The following PVT1 variants were observed in gnomAD, a reference collection of about 807,000 sequenced individuals.
The protein encoded by PVT1 is Pvt1 oncogene.
intron 4 of PVT1, among the ~76,000 whole-genome samples, chr8:128,060,680 A>T (rs1446427786): frequency 6.6e-6 from 1 of 152,334 alleles, no homozygotes; most frequent in East Asian, 1.9e-4. Flanking sequence ...TTTTGCAGTT[A>T]AACTTCCGAT....
At chr8:127,895,204 C>T (rs763147165) in intron 3 of PVT1, among the ~76,000 whole-genome samples, 4 of 152,200 alleles carry the variant, frequency 2.6e-5, no homozygotes, top group African/African-American at 4.8e-5. Flanking sequence ...AGCACAGTGG[C>T]TCACACATGT....
chr8:127,805,508 C>T lies in PVT1; in HGVS notation n.372+9437C>T, dbSNP rs559832256. 2.6e-5 allele frequency among the ~76,000 whole-genome samples: 4 copies of T among 152,274 alleles called. No homozygotes were observed. In the East Asian group the frequency reaches 7.7e-4, roughly 29 times the overall value. ...CTGGTGAGGCACGTGATGTTTTTTG[C>T]TGTCCGTGATGCACTAACATGTCAT... On this transcript the variant is annotated intron_variant and non_coding_transcript_variant, in intron 2 of 10. Coordinates refer to ENST00000651587, the Ensembl canonical transcript of PVT1.
At chr8:128,098,916 G>A (rs1814462553) in intron 6 of PVT1, among the ~76,000 whole-genome samples, 1 of 152,164 alleles carries the variant, frequency 6.6e-6, no homozygotes, top group Admixed American at 6.5e-5. Flanking sequence ...GAATTTCCAT[G>A]GGATCATTGC....
intron 2 of PVT1, among the ~76,000 whole-genome samples, chr8:127,796,384 A>G (rs955451161): frequency 1.3e-5 from 2 of 151,982 alleles, no homozygotes; most frequent in Admixed American, 6.6e-5. Context: ...CTGTTCTGAC[A>G]TATCTGATCC....
chr8:127,908,329 T>C (rs1212278216), intron 3 of PVT1, among the ~76,000 whole-genome samples: 2 of 150,062 alleles, frequency 1.3e-5, no homozygotes, highest in African/African-American at 4.9e-5. Flanking sequence ...TTTTCTTTTT[T>C]TTTCTTTTTT....
At position 127,804,652 on chromosome 8, in the gene PVT1, T is replaced by C. The variant is rs150171852; in HGVS notation, n.372+8581T>C. Among the ~76,000 whole-genome samples the C allele has an allele frequency of 7.4e-3, 1,122 of 151,412 alleles. 12 individuals carry two copies. The highest frequency in any genetic ancestry group is 0.026 in the African/African-American group (1,089 of 41,270). The stretch of plus-strand genomic sequence containing the variant: ...ACCTCCCAGGTTCAAGCGATTCTTC[T>C]GCCTTGGCCTCCGAGTAGCTGGGAT... On this transcript the variant is annotated intron_variant and non_coding_transcript_variant, in intron 2 of 10. Transcript: ENST00000651587.
chr8:127,927,816 G>A (rs959041803), intron 3 of PVT1, among the ~76,000 whole-genome samples: 1 of 152,206 alleles, frequency 6.6e-6, no homozygotes, highest in Non-Finnish European at 1.5e-5. Context: ...TCACTACCTG[G>A]CATCCTCTGA....
At chr8:128,059,681 T>C (rs966026202) in intron 4 of PVT1, among the ~76,000 whole-genome samples, 3 of 152,222 alleles carry the variant, frequency 2.0e-5, no homozygotes, top group Admixed American at 6.5e-5. Context: ...TGGCACTTTA[T>C]AGGAAGAGTT....
intron 5 of PVT1, chr8:128,096,492 CT>C (rs11350865): frequency 0.59 from 88,013 of 149,762 alleles, 27,537 homozygotes; most frequent in Non-Finnish European, 0.71. Context: ...GTCAGCGGAT[CT>C]TTTTTTTTTT....
intron 4 of PVT1, among the ~76,000 whole-genome samples, chr8:128,060,427 G>A (rs1013624075): frequency 2.0e-5 from 3 of 152,142 alleles, no homozygotes; most frequent in African/African-American, 7.2e-5. Flanking sequence ...GCAATGTCAG[G>A]ACTAAATGTG....
At chr8:127,933,719 G>A (rs569239749) in intron 3 of PVT1, among the ~76,000 whole-genome samples, 2 of 152,308 alleles carry the variant, frequency 1.3e-5, no homozygotes, top group Admixed American at 6.5e-5. Context: ...CTACTTGCTT[G>A]CTGCTTTCTC....
intron 2 of PVT1, among the ~76,000 whole-genome samples, chr8:127,873,521 T>G (rs1815374183): frequency 6.6e-6 from 1 of 152,206 alleles, no homozygotes; most frequent in African/African-American, 2.4e-5. Flanking sequence ...TATTTCATGT[T>G]TTTTTGTGTA....
intron 3 of PVT1, among the ~76,000 whole-genome samples, chr8:127,938,177 C>T (rs573664646): frequency 1.5e-4 from 23 of 152,302 alleles, no homozygotes; most frequent in South Asian, 8.3e-4. Flanking sequence ...CACATCATTC[C>T]AGAAACAGCG....
chr8:127,863,798 C>A (rs1260554839), intron 2 of PVT1, among the ~76,000 whole-genome samples: 4 of 152,198 alleles, frequency 2.6e-5, no homozygotes. Flanking sequence ...CCTGGCAGAT[C>A]TGGGACCCGG....
intron 2 of PVT1, among the ~76,000 whole-genome samples, chr8:127,841,659 C>G (rs1191154634): frequency 3.9e-5 from 6 of 152,164 alleles, no homozygotes; most frequent in Admixed American, 3.3e-4. Context: ...TGACCCCAGA[C>G]TTGGTGTACT....
At chr8:128,065,835 C>T (rs953595852) in intron 4 of PVT1, among the ~76,000 whole-genome samples, 3 of 152,196 alleles carry the variant, frequency 2.0e-5, no homozygotes, top group African/African-American at 7.2e-5. Context: ...ATTAAGCTGA[C>T]GGAGTCCCTG....
chr8:127,860,383 G>T, intron 2 of PVT1, among the ~76,000 whole-genome samples: 1 of 152,192 alleles, frequency 6.6e-6, no homozygotes, highest in South Asian at 2.1e-4. Context: ...GCCTTTGGGG[G>T]AAAACTTTTT....
intron 5 of PVT1, among the ~76,000 whole-genome samples, chr8:128,079,723 C>CT (rs914746557): frequency 1.3e-5 from 2 of 152,038 alleles, no homozygotes; most frequent in African/African-American, 4.8e-5. Context: ...ATAGCCTTTT[C>CT]TTTTTTTCTT....
intron 1 of PVT1, among the ~76,000 whole-genome samples, chr8:127,795,451 C>T (rs2130180958): frequency 1.3e-5 from 2 of 152,292 alleles, no homozygotes; most frequent in Middle Eastern, 6.8e-3. Flanking sequence ...TTCTTCTGTT[C>T]ATCTAAGCTC....
Sources: allele counts gnomAD v4.1 joint callset (sites outside exome capture counted in the v4.1 genomes callset), GRCh38; gene constraint gnomAD v4.1.1; transcripts MANE v1.5; gene names NCBI Gene and HGNC (gene_info 2026-07-23, HGNC 2026-07-21).